NR5A2: variants seen among roughly 807,000 people sequenced by gnomAD.
NR5A2 encodes CYP7A promoter-binding factor.
Under a neutral mutation model 62.7 loss-of-function variants are expected in NR5A2, and 26 were observed. The observed-to-expected ratio is 0.41, with a 90% confidence interval of 0.30 to 0.58. The LOEUF (loss-of-function observed/expected upper bound fraction) is 0.58, where lower values mean the gene tolerates loss of function less well. NR5A2 is among the 20% of genes least tolerant of loss of function. The pLI, the probability that NR5A2 is intolerant of heterozygous loss-of-function variation, is 0.22. For missense variants in NR5A2, 541 were observed against 669.1 expected (o/e 0.81, Z 2.11); for synonymous variants, 246 against 241.7 (o/e 1.02, Z -0.16).
At chr1:200,098,681 C>G (rs1665215833) in intron 5 of NR5A2, among the ~76,000 whole-genome samples, 1 of 152,152 alleles carries the variant, frequency 6.6e-6, no homozygotes, top group Admixed American at 6.5e-5. Flanking sequence ...CAGATACTTT[C>G]AGCATTGATT....
chr1:200,143,638 ATTTTTTTTT>A (rs11285826), intron 7 of NR5A2, among the ~76,000 whole-genome samples: 4 of 103,298 alleles, frequency 3.9e-5, no homozygotes, highest in African/African-American at 7.8e-5. Context: ...ATTGTTCATA[ATTTTTTTTT>A]TTTTTTTTTT....
At chr1:200,107,245 C>A (rs184810243) in intron 5 of NR5A2, among the ~76,000 whole-genome samples, 310 of 151,096 alleles carry the variant, frequency 2.1e-3, no homozygotes, top group African/African-American at 7.2e-3. Context: ...CAGAAAACTG[C>A]AGAAGTGAAA....
At chr1:200,110,987 G>A (rs559715734) in intron 5 of NR5A2, among the ~76,000 whole-genome samples, 16 of 152,142 alleles carry the variant, frequency 1.1e-4, no homozygotes, top group Admixed American at 3.9e-4. Flanking sequence ...AAGTACCTAC[G>A]TGTGTCCTAA....
In NR5A2 at chr1:200,147,732, C is replaced by A; in HGVS notation, c.1379-26231C>A. ...CCAGCTCCTCCCTGAGCGCCTCTCC[C>A]ACGTCCACGGTGAAGACGCGGATGC... On this transcript the variant is annotated intron_variant, in intron 7 of 7. Transcript: ENST00000367362. This position sits in a 1 kb window ranked among gnomAD's most constrained non-coding sequence, Gnocchi z 4.9. The A allele has an allele frequency of 1.7e-6, 1 of 594,958 alleles. No individual in the cohort carries two copies. Among genetic ancestry groups the A allele is most frequent in the East Asian group, 3.5e-5 (1 of 28,680 alleles). 36.9% of individuals were successfully genotyped at this position (594,958 alleles called of 1,614,324 possible).
intron 5 of NR5A2, among the ~76,000 whole-genome samples, chr1:200,077,646 G>A (rs572044697): frequency 1.3e-5 from 2 of 152,282 alleles, no homozygotes; most frequent in South Asian, 2.1e-4. Context: ...CCTGGGAGGC[G>A]GAGGTTGCAG....
rs999596539 is a variant in NR5A2 at position 200,039,565 on chromosome 1, C to G, written c.65-93C>G. ...CGGCAGCCCCGAGGAGGCGGAGGCA[C>G]GCTCCGGCGAGGCGAGAGGGTTGGG... On this transcript the variant is annotated intron_variant, in intron 1 of 7. Transcript: ENST00000367362. The surrounding 1 kb of genome is among the most constrained non-coding windows in gnomAD (Gnocchi z 5.1). 6.4e-7 allele frequency: 1 copy of G among 1,570,220 alleles called. No homozygotes were observed. The highest frequency in any genetic ancestry group is 1.7e-5 in the Admixed American group (1 of 57,742).
At chr1:200,042,242 C>G (rs1298103179) in intron 2 of NR5A2, among the ~76,000 whole-genome samples, 1 of 152,116 alleles carries the variant, frequency 6.6e-6, no homozygotes, top group Non-Finnish European at 1.5e-5. Flanking sequence ...CTAACTCACT[C>G]CCCTGTGAGC....
chr1:200,028,520 T>C (rs1661432197), intron 1 of NR5A2, among the ~76,000 whole-genome samples: 2 of 152,124 alleles, frequency 1.3e-5, no homozygotes, highest in Non-Finnish European at 2.9e-5. Context: ...ATTTTGTTTT[T>C]ACAAACAGAA....
In NR5A2 at chr1:200,094,698, TA is replaced by T. The variant is rs566966544; in HGVS notation, c.1111-16503del. 5.6e-3 allele frequency among the ~76,000 whole-genome samples: 845 copies of T among 151,130 alleles called. 5 individuals are homozygous for T. Among genetic ancestry groups the T allele is most frequent in the Non-Finnish European group, 9.3e-3 (631 of 67,718 alleles). Reference sequence around the variant, plus strand: ...CAGGCACCTGCCACCACGCCTGACTTATTTTTTGTATTTTTAGTAGAGACGG... The same window carrying T: ...CAGGCACCTGCCACCACGCCTGACTTTTTTTTGTATTTTTAGTAGAGACGG... On this transcript the variant is annotated intron_variant, in intron 5 of 7. Coordinates refer to ENST00000367362, the MANE Select transcript of NR5A2 (RefSeq NM_205860.3).
At chr1:200,106,770 C>T (rs2816981) in intron 5 of NR5A2, among the ~76,000 whole-genome samples, 134,131 of 152,186 alleles carry the variant, frequency 0.88, 59,274 homozygotes, top group East Asian at 0.97. Context: ...TCTTAAAAAA[C>T]AAAAAATCTT....
intron 1 of NR5A2, chr1:200,038,744 G>C (rs753457287): frequency 1.5e-6 from 2 of 1,365,706 alleles, no homozygotes; most frequent in Non-Finnish European, 2.0e-6. Context: ...TCGCCGCCAC[G>C]CTCAGACAGA....
At chr1:200,067,250 A>G (rs945390468) in intron 5 of NR5A2, among the ~76,000 whole-genome samples, 3 of 152,024 alleles carry the variant, frequency 2.0e-5, no homozygotes, top group African/African-American at 7.2e-5. Flanking sequence ...CAAATACCTC[A>G]TATTCTCACT....
chr1:200,156,120 T>G (rs1027631896), intron 7 of NR5A2, among the ~76,000 whole-genome samples: 1 of 152,192 alleles, frequency 6.6e-6, no homozygotes, highest in Admixed American at 6.5e-5. Context: ...ATGGGGGTCA[T>G]GTGAAGAGTC....
At chr1:200,124,535 A>G (rs1263720691) in intron 7 of NR5A2, among the ~76,000 whole-genome samples, 1 of 152,242 alleles carries the variant, frequency 6.6e-6, no homozygotes, top group Non-Finnish European at 1.5e-5. Flanking sequence ...GTATAACATC[A>G]TAGATTCTGT....
chr1:200,043,022 A>G (rs1004519534), intron 2 of NR5A2: 16 of 984,860 alleles, frequency 1.6e-5, no homozygotes, highest in African/African-American at 1.4e-4. Context: ...CAGGGCTTCA[A>G]TACTTTGAAA....
rs145433445 is a variant in NR5A2, at chr1:200,033,216, G to T, written c.64+5305G>T. 1.4e-4 allele frequency among the ~76,000 whole-genome samples: 21 copies of T among 152,228 alleles called. No individual in the cohort carries two copies. In the East Asian group the frequency reaches 3.7e-3, roughly 27 times the overall value. On this transcript the variant is annotated intron_variant, in intron 1 of 7. Transcript: ENST00000367362. ...AATTTGTGGTGTATGGTAACAACTC[G>T]CAGGGTTACCAACAGATGGTGAGAA...
chr1:200,133,818 G>A (rs1667096723), intron 7 of NR5A2, among the ~76,000 whole-genome samples: 1 of 148,630 alleles, frequency 6.7e-6, no homozygotes, highest in Admixed American at 6.7e-5. Context: ...GGTCCCTCTG[G>A]GGGTATCCAG....
chr1:200,040,624 C>T (rs1662019194), intron 2 of NR5A2, among the ~76,000 whole-genome samples: 1 of 152,216 alleles, frequency 6.6e-6, no homozygotes, highest in African/African-American at 2.4e-5. Flanking sequence ...GGGAACAATG[C>T]TAGGAAAAGT....
At chr1:200,125,093 T>C (rs1030089115) in intron 7 of NR5A2, among the ~76,000 whole-genome samples, 2 of 152,214 alleles carry the variant, frequency 1.3e-5, no homozygotes, top group African/African-American at 4.8e-5. Flanking sequence ...ATTTCTGTTA[T>C]CAGTTTGCAT....
Sources: allele counts gnomAD v4.1 joint callset (sites outside exome capture counted in the v4.1 genomes callset), GRCh38; gene constraint gnomAD v4.1.1; non-coding constraint Gnocchi (gnomAD v3.1); transcripts MANE v1.5; gene names NCBI Gene and HGNC (gene_info 2026-07-23, HGNC 2026-07-21).